The following KCNMA1 variants were observed in gnomAD, a reference collection of about 807,000 sequenced individuals.
KCNMA1 encodes the protein Calcium-activated potassium channel subunit alpha-1.
Under a neutral mutation model 140.0 loss-of-function variants are expected in KCNMA1, and 29 were observed. The ratio of observed to expected loss-of-function variants is 0.21; its 90% CI spans 0.15 to 0.28. The LOEUF is 0.28. Among genes scored for constraint, KCNMA1 ranks in the 10% least tolerant of loss-of-function variants. KCNMA1 has a pLI of 1.00. For missense variants in KCNMA1, 880 were observed against 1,602.2 expected, an observed-to-expected ratio of 0.55 and a Z score of 7.70; for synonymous variants, 612 against 611.9, an observed-to-expected ratio of 1.00 and a Z score of 0.00.
chr10:77,377,963 T>C (rs2095232543), intron 2 of KCNMA1, among the ~76,000 whole-genome samples: 1 of 152,214 alleles, frequency 6.6e-6, no homozygotes, highest in Non-Finnish European at 1.5e-5. Context: ...TTTCTTTCAA[T>C]GAATATTTGC....
intron 2 of KCNMA1, among the ~76,000 whole-genome samples, chr10:77,328,580 C>T (rs994907313): frequency 6.6e-6 from 1 of 152,178 alleles, no homozygotes; most frequent in Non-Finnish European, 1.5e-5. Flanking sequence ...GACACCTTGG[C>T]CCCTGTCCGT....
intron 2 of KCNMA1, among the ~76,000 whole-genome samples, chr10:77,266,261 A>C (rs113460689): frequency 3.5e-4 from 53 of 152,306 alleles, no homozygotes; most frequent in African/African-American, 1.2e-3. Flanking sequence ...AGAAAGAAAC[A>C]GTGCTAAAAA....
chr10:77,062,498 T>G (rs1296283701), intron 14 of KCNMA1, among the ~76,000 whole-genome samples: 2 of 152,214 alleles, frequency 1.3e-5, no homozygotes, highest in Non-Finnish European at 2.9e-5. Flanking sequence ...TGGTTGAGAC[T>G]AAACTTTATA....
At chr10:77,047,508 C>G (rs966813457) in intron 14 of KCNMA1, among the ~76,000 whole-genome samples, 2 of 151,290 alleles carry the variant, frequency 1.3e-5, no homozygotes, top group Non-Finnish European at 2.9e-5. Context: ...GGGTAAACAG[C>G]AAGAGTGATA....
chr10:77,561,407 G>A (rs1348372013), intron 1 of KCNMA1, among the ~76,000 whole-genome samples: 5 of 152,132 alleles, frequency 3.3e-5, no homozygotes, highest in Non-Finnish European at 5.9e-5. Flanking sequence ...TCCCCACTTT[G>A]CGGATTATGA....
At chr10:77,135,333 A>T (rs905437959) in intron 5 of KCNMA1, among the ~76,000 whole-genome samples, 1 of 152,200 alleles carries the variant, frequency 6.6e-6, no homozygotes, top group Admixed American at 6.5e-5. Flanking sequence ...TATCGAAAAG[A>T]CAAAAGGTTA....
At chr10:77,571,875 A>G (rs1449615502) in intron 1 of KCNMA1, among the ~76,000 whole-genome samples, 2 of 152,224 alleles carry the variant, frequency 1.3e-5, no homozygotes, top group Non-Finnish European at 2.9e-5. Context: ...CAGAGTTCCC[A>G]GGGCCTTCTA....
At chr10:77,620,434 G>A (rs1337121984) in intron 1 of KCNMA1, among the ~76,000 whole-genome samples, 1 of 152,212 alleles carries the variant, frequency 6.6e-6, no homozygotes, top group East Asian at 1.9e-4. Context: ...TGGCAACAGA[G>A]AAGGCTTTTC....
chr10:77,572,033 T>C (rs1385281603), intron 1 of KCNMA1, among the ~76,000 whole-genome samples: 5 of 152,010 alleles, frequency 3.3e-5, no homozygotes, highest in Non-Finnish European at 5.9e-5. Context: ...TTGAGGAGCA[T>C]CTGAAATGCT....
intron 2 of KCNMA1, among the ~76,000 whole-genome samples, chr10:77,357,488 G>A (rs980493263): frequency 6.6e-6 from 1 of 152,182 alleles, no homozygotes; most frequent in Non-Finnish European, 1.5e-5. Flanking sequence ...TCAAAACCTT[G>A]TCTTGTATAT....
intron 7 of KCNMA1, among the ~76,000 whole-genome samples, chr10:77,111,618 C>A (rs2097326754): frequency 6.6e-6 from 1 of 152,186 alleles, no homozygotes; most frequent in Non-Finnish European, 1.5e-5. Context: ...CATCCCAGGC[C>A]TGTCTTCCTT....
At chr10:77,480,690 G>A (rs992694499) in intron 1 of KCNMA1, among the ~76,000 whole-genome samples, 1 of 152,148 alleles carries the variant, frequency 6.6e-6, no homozygotes, top group African/African-American at 2.4e-5. Context: ...GCGCCTCCAA[G>A]ACTCTGGAGC....
intron 3 of KCNMA1, among the ~76,000 whole-genome samples, chr10:77,229,930 C>A (rs2053011678): frequency 6.6e-6 from 1 of 152,178 alleles, no homozygotes; most frequent in African/African-American, 2.4e-5. Flanking sequence ...AATGACCCTG[C>A]AATTCCACTC....
chr10:77,324,796 G>T (rs2083399738), intron 2 of KCNMA1, among the ~76,000 whole-genome samples: 1 of 152,180 alleles, frequency 6.6e-6, no homozygotes, highest in Admixed American at 6.5e-5. Flanking sequence ...TAGCTGGAAA[G>T]CCAGGCTATG....
chr10:77,570,736 A>G (rs1243542665), intron 1 of KCNMA1, among the ~76,000 whole-genome samples: 1 of 99,146 alleles, frequency 1.0e-5, no homozygotes, highest in African/African-American at 3.6e-5. Context: ...TTAAAGTATA[A>G]TAATAATAAA....
intron 2 of KCNMA1, among the ~76,000 whole-genome samples, chr10:77,378,908 C>T (rs974740947): frequency 6.6e-6 from 1 of 152,142 alleles, no homozygotes; most frequent in African/African-American, 2.4e-5. Flanking sequence ...TAAATGACTG[C>T]TCTTCACCCC....
At chr10:77,420,776 G>A (rs1049894365) in intron 1 of KCNMA1, among the ~76,000 whole-genome samples, 2 of 152,158 alleles carry the variant, frequency 1.3e-5, no homozygotes, top group Non-Finnish European at 2.9e-5. Flanking sequence ...CTGGCAGGAG[G>A]GAGGCCAAGC....
chr10:77,017,180 G>A (rs1349268422), intron 17 of KCNMA1, among the ~76,000 whole-genome samples: 1 of 152,190 alleles, frequency 6.6e-6, no homozygotes, highest in Non-Finnish European at 1.5e-5. Context: ...ACATTCATTA[G>A]TGAGAGATGC....
intron 1 of KCNMA1, among the ~76,000 whole-genome samples, chr10:77,459,395 C>G (rs984251002): frequency 7.9e-5 from 12 of 152,218 alleles, no homozygotes; most frequent in Non-Finnish European, 1.6e-4. Flanking sequence ...TTGTGATCTA[C>G]AGCAGGCAGC....
Sources: allele counts gnomAD v4.1 joint callset (sites outside exome capture counted in the v4.1 genomes callset), GRCh38; gene constraint gnomAD v4.1.1; transcripts MANE v1.5; gene names NCBI Gene and HGNC (gene_info 2026-07-23, HGNC 2026-07-21).